The following MYO3B variants were observed in gnomAD, a reference collection of about 807,000 sequenced individuals.
MYO3B encodes myosin IIIB, also known as myosin-IIIb.
In MYO3B, 156 loss-of-function variants were observed where a neutral mutation model predicts 174.6. The ratio of observed to expected loss-of-function variants is 0.89; its 90% CI spans 0.78 to 1.02. The LOEUF (loss-of-function observed/expected upper bound fraction) is 1.02. Ranked by LOEUF, MYO3B falls within the 50% of genes least tolerant of loss-of-function variation. The pLI, the probability that MYO3B is intolerant of heterozygous loss-of-function variation, is 0.00. For missense variants in MYO3B, 1,632 were observed against 1,639.4 expected, an observed-to-expected ratio of 1.00 and a Z score of 0.08; for synonymous variants, 563 against 569.1, an observed-to-expected ratio of 0.99 and a Z score of 0.15.
intron 32 of MYO3B, among the ~76,000 whole-genome samples, chr2:170,571,899 C>T (rs985146809): frequency 3.3e-5 from 5 of 152,180 alleles, no homozygotes; most frequent in African/African-American, 1.2e-4. Context: ...TCAATGACAG[C>T]TGCTAACATG....
intron 32 of MYO3B, among the ~76,000 whole-genome samples, chr2:170,592,515 T>C (rs565434675): frequency 6.6e-6 from 1 of 152,314 alleles, no homozygotes; most frequent in Admixed American, 6.5e-5. Flanking sequence ...CCACCATTTC[T>C]AGGTTAAAAC....
chr2:170,324,727 T>C (rs1416612701), intron 7 of MYO3B, among the ~76,000 whole-genome samples: 1 of 152,260 alleles, frequency 6.6e-6, no homozygotes, highest in Non-Finnish European at 1.5e-5. Context: ...CTTTGCCATG[T>C]GGCAGATATT....
At chr2:170,626,312 C>A (rs1368595204) in intron 32 of MYO3B, among the ~76,000 whole-genome samples, 3 of 152,082 alleles carry the variant, frequency 2.0e-5, no homozygotes, top group Non-Finnish European at 2.9e-5. Flanking sequence ...TATGTAATGG[C>A]CTTCTTTATC....
chr2:170,522,624 G>A (rs914778794), intron 30 of MYO3B, among the ~76,000 whole-genome samples: 4 of 152,094 alleles, frequency 2.6e-5, no homozygotes, highest in Non-Finnish European at 4.4e-5. Context: ...GCTGTTCCAC[G>A]CCTCTCTCTA....
At chr2:170,539,516 G>A (rs1689945906) in intron 30 of MYO3B, among the ~76,000 whole-genome samples, 1 of 152,204 alleles carries the variant, frequency 6.6e-6, no homozygotes, top group African/African-American at 2.4e-5. Context: ...GAAAGAAGGA[G>A]GTTAGCCACC....
intron 25 of MYO3B, among the ~76,000 whole-genome samples, chr2:170,477,045 G>T (rs950368036): frequency 4.6e-5 from 7 of 152,050 alleles, no homozygotes; most frequent in Admixed American, 3.3e-4. Flanking sequence ...GACTTTTGGG[G>T]GTAGGTTTGC....
intron 7 of MYO3B, among the ~76,000 whole-genome samples, chr2:170,318,907 T>C (rs2093795327): frequency 6.6e-6 from 1 of 152,104 alleles, no homozygotes; most frequent in Admixed American, 6.6e-5. Flanking sequence ...AGCAAAACAA[T>C]AGGGAAACCC....
chr2:170,537,277 A>G (rs559281832), intron 30 of MYO3B, among the ~76,000 whole-genome samples: 290 of 149,950 alleles, frequency 1.9e-3, no homozygotes, highest in Non-Finnish European at 3.6e-3. Flanking sequence ...TGAGCCTGAG[A>G]GGTTGAGGCT....
intron 3 of MYO3B, among the ~76,000 whole-genome samples, chr2:170,205,379 A>T (rs1245001652): frequency 6.6e-6 from 1 of 152,108 alleles, no homozygotes; most frequent in Non-Finnish European, 1.5e-5. Context: ...ATTTTCTGGG[A>T]TCATCACCCA....
At chr2:170,284,704 A>G (rs2093541017) in intron 7 of MYO3B, among the ~76,000 whole-genome samples, 1 of 152,190 alleles carries the variant, frequency 6.6e-6, no homozygotes, top group African/African-American at 2.4e-5. Flanking sequence ...GACCTCCCAC[A>G]TATTCAAAAT....
intron 7 of MYO3B, among the ~76,000 whole-genome samples, chr2:170,297,866 A>G (rs2093638706): frequency 2.0e-5 from 3 of 152,224 alleles, no homozygotes; most frequent in Non-Finnish European, 4.4e-5. Context: ...CTATAGGAAT[A>G]GCTGCAAATG....
intron 25 of MYO3B, among the ~76,000 whole-genome samples, chr2:170,488,678 T>C (rs1371160521): frequency 6.6e-6 from 1 of 152,186 alleles, no homozygotes; most frequent in Non-Finnish European, 1.5e-5. Flanking sequence ...ACTGGTTTTC[T>C]GCAGTGGGTA....
intron 32 of MYO3B, among the ~76,000 whole-genome samples, chr2:170,631,448 A>G (rs1341862078): frequency 6.6e-6 from 1 of 152,108 alleles, no homozygotes; most frequent in Admixed American, 6.6e-5. Context: ...AGTGATGGGG[A>G]GAATGGAACC....
At chr2:170,222,326 C>T (rs1395656221) in intron 6 of MYO3B, among the ~76,000 whole-genome samples, 1 of 152,152 alleles carries the variant, frequency 6.6e-6, no homozygotes, top group African/African-American at 2.4e-5. Context: ...AAGACTTTTC[C>T]ACCCTATATT....
chr2:170,246,088 C>A (rs1016264458), intron 7 of MYO3B, among the ~76,000 whole-genome samples: 1 of 152,110 alleles, frequency 6.6e-6, no homozygotes, highest in African/African-American at 2.4e-5. Context: ...TTTATATTTA[C>A]AAGTTCCCTA....
intron 3 of MYO3B, among the ~76,000 whole-genome samples, chr2:170,209,785 A>G (rs2092752330): frequency 6.6e-6 from 1 of 152,366 alleles, no homozygotes; most frequent in Admixed American, 6.5e-5. Flanking sequence ...CATATACATT[A>G]GACATTAGAA....
At chr2:170,571,158 A>G (rs1032750185) in intron 32 of MYO3B, among the ~76,000 whole-genome samples, 1 of 152,244 alleles carries the variant, frequency 6.6e-6, no homozygotes, top group Non-Finnish European at 1.5e-5. Flanking sequence ...AGCAAGAGCA[A>G]CTAAAGGATT....
At chr2:170,471,233 A>G (rs1021842725) in intron 25 of MYO3B, among the ~76,000 whole-genome samples, 1 of 152,002 alleles carries the variant, frequency 6.6e-6, no homozygotes, top group Non-Finnish European at 1.5e-5. Flanking sequence ...TATTTTTAAT[A>G]GAGATGGGGT....
At chr2:170,430,506 G>A (rs1172932855) in intron 22 of MYO3B, among the ~76,000 whole-genome samples, 1 of 151,852 alleles carries the variant, frequency 6.6e-6, no homozygotes, top group African/African-American at 2.4e-5. Context: ...TGAGTGACTG[G>A]TATTACAGGT....
Sources: allele counts gnomAD v4.1 joint callset (sites outside exome capture counted in the v4.1 genomes callset), GRCh38; gene constraint gnomAD v4.1.1; transcripts MANE v1.5; gene names NCBI Gene and HGNC (gene_info 2026-07-23, HGNC 2026-07-21).